Variants in TBCE observed in about 807,000 individuals in gnomAD.
The protein encoded by TBCE is tubulin-specific chaperone E.
Under a neutral mutation model 77.0 loss-of-function variants are expected in TBCE, and 53 were observed. That is an observed-to-expected ratio of 0.69 (90% CI 0.55 to 0.87). The LOEUF (loss-of-function observed/expected upper bound fraction) is 0.87, where lower values mean the gene tolerates loss of function less well. Ranked by LOEUF, TBCE falls within the 40% of genes least tolerant of loss-of-function variation. The pLI is 0.00. For synonymous variants in TBCE, 235 were observed against 241.3 expected (o/e 0.97, Z 0.24); for missense variants, 624 against 622.4 (o/e 1.00, Z -0.03).
chr1:235,387,746 G>A (rs185032123), intron 2 of TBCE, among the ~76,000 whole-genome samples: 64 of 152,260 alleles, frequency 4.2e-4, no homozygotes, highest in African/African-American at 1.4e-3. Flanking sequence ...GACCCCTTGC[G>A]CTTCCCAAAT....
At chr1:235,434,327 T>G in intron 8 of TBCE, 47 bp downstream of exon 8, 1 of 1,482,748 alleles carries the variant, frequency 6.7e-7, no homozygotes. Context: ...TAATCATCAT[T>G]CTGAGTAAAT....
At chr1:235,430,048 T>G (rs1310705578) in intron 6 of TBCE, 3 of 114,784 alleles carry the variant, frequency 2.6e-5, no homozygotes, top group Admixed American at 1.0e-4. Context: ...TGAACCATTT[T>G]TGCATAGACA....
rs776558799 is a variant in TBCE, at chr1:235,441,791, A to G, written c.1271-23A>G. The G allele has an allele frequency of 6.8e-6, 11 of 1,610,470 alleles. No homozygotes were observed. The South Asian group carries it at 1.1e-4, about 16-fold the overall frequency. Reference sequence around the variant, plus strand: ...TATAGTGGCCTTTGGTTTATCATTCATCTCTTTTGCTTTCTTAAACAGAAT... The same window carrying G: ...TATAGTGGCCTTTGGTTTATCATTCGTCTCTTTTGCTTTCTTAAACAGAAT... On this transcript the variant is annotated intron_variant, in intron 13 of 16. Coordinates refer to ENST00000642610, the MANE Select transcript of TBCE (RefSeq NM_003193.5).
rs191959970 is a variant in TBCE, at chr1:235,420,740, C to T, written c.460+1179C>T. Among the ~76,000 whole-genome samples the T allele has an allele frequency of 4.0e-3, 607 of 152,340 alleles. 4 individuals are homozygous for T. Among genetic ancestry groups the T allele is most frequent in the African/African-American group, 0.014 (580 of 41,572 alleles). On this transcript the variant is annotated intron_variant, in intron 5 of 16. Transcript: ENST00000642610. ...TGGTCATCCGCCCACCTTGGCCTCC[C>T]AGAGTGCTGGAATTACAGGCGTGAG... is the stretch of plus-strand genomic sequence containing the variant.
At chr1:235,406,731 C>T (rs1328181869) in intron 3 of TBCE, among the ~76,000 whole-genome samples, 1 of 151,766 alleles carries the variant, frequency 6.6e-6, no homozygotes, top group Admixed American at 6.6e-5. Context: ...GGGGTTTCAC[C>T]ATATTGGCCA....
At chr1:235,381,771 T>A (rs966487539) in intron 2 of TBCE, among the ~76,000 whole-genome samples, 3 of 150,870 alleles carry the variant, frequency 2.0e-5, no homozygotes, top group African/African-American at 7.3e-5. Context: ...GCAAGAATAA[T>A]TATTTTTCTT....
chr1:235,393,312 G>T (rs1678508968), intron 2 of TBCE, among the ~76,000 whole-genome samples: 2 of 152,224 alleles, frequency 1.3e-5, no homozygotes, highest in African/African-American at 2.4e-5. Context: ...GCCGAGGTGG[G>T]TGGATCACAA....
intron 1 of TBCE, among the ~76,000 whole-genome samples, chr1:235,375,254 A>G (rs943617889): frequency 2.7e-5 from 3 of 112,754 alleles, no homozygotes; most frequent in African/African-American, 4.2e-5. Flanking sequence ...AAAGAAGAAT[A>G]ACAAGAGTCA....
chr1:235,435,700 A>T (rs959274168), intron 8 of TBCE, 45 bp from the exon 9 acceptor site: 10 of 1,544,092 alleles, frequency 6.5e-6, no homozygotes, highest in South Asian at 1.1e-5. Context: ...TTTGAAAACA[A>T]TTAAGAGATA....
intron 1 of TBCE, among the ~76,000 whole-genome samples, chr1:235,373,496 T>G (rs1572306739): frequency 2.0e-5 from 3 of 151,982 alleles, no homozygotes; most frequent in East Asian, 3.9e-4. Flanking sequence ...CAGTCTGGAG[T>G]GCAATGGCAC....
intron 2 of TBCE, among the ~76,000 whole-genome samples, chr1:235,397,057 C>G (rs1199622215): frequency 6.6e-6 from 1 of 152,080 alleles, no homozygotes; most frequent in Non-Finnish European, 1.5e-5. Context: ...TCACTGCAAC[C>G]TCCACCGCCC....
intron 1 of TBCE, among the ~76,000 whole-genome samples, chr1:235,370,816 A>G (rs1676886247): frequency 6.9e-6 from 1 of 145,326 alleles, no homozygotes; most frequent in South Asian, 2.2e-4. Flanking sequence ...ATGTCGGCTC[A>G]CTGCAACCTC....
intron 1 of TBCE, among the ~76,000 whole-genome samples, chr1:235,378,223 T>G (rs1283423173): frequency 1.3e-5 from 2 of 152,104 alleles, no homozygotes; most frequent in Middle Eastern, 3.4e-3. Flanking sequence ...TTTGTGTTTT[T>G]TTGTTTGTTT....
intron 7 of TBCE, among the ~76,000 whole-genome samples, chr1:235,431,218 C>CT (rs779355706): frequency 7.2e-5 from 11 of 152,140 alleles, no homozygotes; most frequent in Non-Finnish European, 1.3e-4. Context: ...AAGTTCGGCT[C>CT]TTGGAATCCA....
intron 6 of TBCE, chr1:235,429,467 G>A (rs1680962041): frequency 6.6e-6 from 1 of 152,162 alleles, no homozygotes; most frequent in South Asian, 2.1e-4. Flanking sequence ...GAAGGTTGGG[G>A]GAGGTGATAT....
intron 13 of TBCE, among the ~76,000 whole-genome samples, chr1:235,439,529 T>A (rs1486735535): frequency 6.6e-6 from 1 of 151,242 alleles, no homozygotes; most frequent in African/African-American, 2.4e-5. Context: ...TCTTGCTCTG[T>A]CGCCCAGGCC....
intron 2 of TBCE, among the ~76,000 whole-genome samples, chr1:235,401,265 A>G (rs1409363681): frequency 2.0e-5 from 3 of 152,062 alleles, no homozygotes; most frequent in African/African-American, 7.2e-5. Context: ...AGTGTGCTCA[A>G]TAAATTTTAG....
At position 235,382,174 on chromosome 1, in the gene TBCE, A is replaced by G; in HGVS notation, c.100+2025A>G. Among the ~76,000 whole-genome samples the G allele has an allele frequency of 1.3e-5, 2 of 151,126 alleles. 1 individual carries two copies. ...ATTTTTTATGGCTGCATAGTATTCCATGGTGTATATGTGCCACATTTTCTT... is the reference window on the plus strand; with the variant it reads ...ATTTTTTATGGCTGCATAGTATTCCGTGGTGTATATGTGCCACATTTTCTT... On this transcript the variant is annotated intron_variant, in intron 2 of 16. Coordinates refer to ENST00000642610, the MANE Select transcript of TBCE (RefSeq NM_003193.5).
At chr1:235,429,997 C>T (rs143245505) in intron 6 of TBCE, 3,446 of 152,502 alleles carry the variant, frequency 0.023, 137 homozygotes, top group African/African-American at 0.078. Flanking sequence ...GGATTACAGG[C>T]GTGAGCTACC....
Sources: allele counts gnomAD v4.1 joint callset (sites outside exome capture counted in the v4.1 genomes callset), GRCh38; gene constraint gnomAD v4.1.1; transcripts MANE v1.5; gene names NCBI Gene and HGNC (gene_info 2026-07-23, HGNC 2026-07-21).